The following STAB2 variants were observed in gnomAD, a reference collection of about 807,000 sequenced individuals.
STAB2 encodes the protein stabilin 2, also known as stabilin-2.
A neutral mutation model predicts 338.1 loss-of-function variants in STAB2; 288 were observed. The observed-to-expected ratio is 0.85, with a 90% CI of 0.77 to 0.94. The LOEUF (loss-of-function observed/expected upper bound fraction) is 0.94, where lower values mean the gene tolerates loss of function less well. Among genes scored for constraint, STAB2 ranks in the 40% least tolerant of loss-of-function variants. The pLI is 0.00. For missense variants in STAB2, 3,141 were observed against 3,210.1 expected (o/e 0.98, Z 0.52); for synonymous variants, 1,202 against 1,193.3 (o/e 1.01, Z -0.15).
intron 15 of STAB2, 91 bp downstream of exon 15, chr12:103,655,672 A>T: frequency 1.3e-6 from 2 of 1,519,402 alleles, no homozygotes; most frequent in South Asian, 2.6e-5. Flanking sequence ...AGAGATAGTA[A>T]ATAAGTTGTA....
At position 103,715,861 on chromosome 12, in the gene STAB2, G is replaced by A. The variant is rs150838626; in HGVS notation, c.4584G>A (p.Ala1528=). Residue 1528 remains alanine, a synonymous_variant, in exon 43 of 69, where the codon GCG becomes GCA. Coordinates refer to ENST00000388887, the MANE Select transcript of STAB2 (RefSeq NM_017564.10). ...ACCATGGTGGCTGTGACAAGAATGC[G>A]GAGTGCACACAGACAGGACCCAACC... ...LENHGGCDKN[A]ECTQTGPNQA... 6.6e-5 allele frequency: 107 copies of A among 1,614,048 alleles called. No homozygotes were observed. The highest frequency in any genetic ancestry group is 6.0e-4 in the African/African-American group (45 of 75,024).
At chr12:103,657,971 C>T (rs1874317498) in intron 15 of STAB2, 2 of 152,208 alleles carry the variant, frequency 1.3e-5, no homozygotes. Context: ...GTCTTCTTCC[C>T]AGTGTATCTT....
chr12:103,668,785 G>T (rs557744481), intron 20 of STAB2, 56 bp downstream of exon 20: 4 of 1,462,658 alleles, frequency 2.7e-6, no homozygotes, highest in Non-Finnish European at 3.7e-6. Flanking sequence ...GCAGCTCCAG[G>T]GCCATGCTCT....
At chr12:103,711,570 T>C in intron 40 of STAB2, 54 bp downstream of exon 40, 1 of 1,596,458 alleles carries the variant, frequency 6.3e-7, no homozygotes, top group Non-Finnish European at 8.6e-7. Context: ...TTTTTCCCAA[T>C]ATTGTCTACC....
At chr12:103,662,099 G>A (rs1281587658) in intron 17 of STAB2, among the ~76,000 whole-genome samples, 1 of 152,152 alleles carries the variant, frequency 6.6e-6, no homozygotes, top group Non-Finnish European at 1.5e-5. Context: ...GCAGGGACAT[G>A]GTGAGGAATG....
At chr12:103,613,319 C>G (rs1214925453) in intron 3 of STAB2, among the ~76,000 whole-genome samples, 1 of 152,206 alleles carries the variant, frequency 6.6e-6, no homozygotes, top group African/African-American at 2.4e-5. Flanking sequence ...CCTCCTTGAG[C>G]TGCAGTGGGC....
intron 4 of STAB2, 71 bp downstream of exon 4, chr12:103,620,624 AAC>A (rs34881989): frequency 0.19 from 148,732 of 795,068 alleles, 2,222 homozygotes; most frequent in East Asian, 0.26. Context: ...ATCCTCCTTA[AAC>A]ACACACACAC....
chr12:103,670,885 G>T, intron 22 of STAB2, 78 bp downstream of exon 22: 2 of 1,222,914 alleles, frequency 1.6e-6, no homozygotes, highest in Non-Finnish European at 2.4e-6. Context: ...CTGGTGCAGG[G>T]CTGGTGTCTC....
chr12:103,655,558 C>CT lies in STAB2; in HGVS notation c.1712dup (p.Asp572ArgfsTer27). On this transcript the variant is annotated frameshift_variant, in exon 15 of 69. Coordinates refer to ENST00000388887, the MANE Select transcript of STAB2 (RefSeq NM_017564.10). LOFTEE classifies it high-confidence loss of function. ...ATTGAATAACATGAAGGACGGCACT[C>CT]TCGATTACCTCCTTTCTCCAGAGGT... is the stretch of plus-strand genomic sequence containing the variant. 6.2e-7 allele frequency: 1 copy of CT among 1,613,922 alleles called. No individual in the cohort carries two copies. The highest frequency in any genetic ancestry group is 8.5e-7 in the Non-Finnish European group (1 of 1,180,008).
chr12:103,753,824 G>A (rs1038018531), intron 61 of STAB2, among the ~76,000 whole-genome samples: 17 of 152,220 alleles, frequency 1.1e-4, no homozygotes, highest in African/African-American at 3.6e-4. Context: ...ACGAGCCTAG[G>A]GTGGATCTCC....
chr12:103,683,612 A>T (rs960112452), intron 26 of STAB2, among the ~76,000 whole-genome samples: 2 of 152,224 alleles, frequency 1.3e-5, no homozygotes, highest in African/African-American at 4.8e-5. Context: ...CTCATTTTTC[A>T]CCTAAAATTG....
rs750633134 is a variant in STAB2 at position 103,711,369 on chromosome 12, A to T, written c.4289-102A>T. 3.4e-6 allele frequency: 5 copies of T among 1,466,520 alleles called. No individual in the cohort carries two copies. The South Asian group carries it at 5.9e-5, about 17-fold the overall frequency. The allele number at this position is 1,466,520 out of a possible 1,614,324, so 90.8% of individuals were successfully genotyped here. A position where few individuals can be genotyped will look rare whatever the true frequency, so the allele number is the denominator to read the frequency against. ...TAGTTTTATATCGCTCACATGATAC[A>T]TATCACTTCCAAAGAAGTAGCTTTT... On this transcript the variant is annotated intron_variant, in intron 39 of 68. Transcript: ENST00000388887.
chr12:103,592,603 G>A (rs1434476467), intron 2 of STAB2, among the ~76,000 whole-genome samples: 1 of 152,104 alleles, frequency 6.6e-6, no homozygotes, highest in Non-Finnish European at 1.5e-5. Flanking sequence ...TACACAACTT[G>A]ATGAGTTTGA....
intron 5 of STAB2, among the ~76,000 whole-genome samples, chr12:103,624,201 C>G (rs371602554): frequency 2.6e-5 from 4 of 152,242 alleles, no homozygotes; most frequent in African/African-American, 9.6e-5. Flanking sequence ...CCATAAGGTC[C>G]TCTTAGGCAG....
At chr12:103,698,107 C>T (rs1878555469) in intron 33 of STAB2, among the ~76,000 whole-genome samples, 1 of 152,190 alleles carries the variant, frequency 6.6e-6, no homozygotes. Context: ...AGGGAGAGAA[C>T]AGGAAGGACT....
chr12:103,718,326 T>C (rs955509369), intron 44 of STAB2, among the ~76,000 whole-genome samples: 15 of 151,600 alleles, frequency 9.9e-5, no homozygotes, highest in African/African-American at 3.1e-4. Context: ...AGGAAGATGA[T>C]TCTACTCTCA....
Position 103,620,501 on chromosome 12 carries a change from G to A in STAB2, c.365G>A (p.Gly122Asp). 2 of 1,584,618 alleles carry A rather than the reference G, an allele frequency of 1.3e-6. No individual in the cohort carries two copies. The highest frequency in any genetic ancestry group is 1.7e-6 in the Non-Finnish European group (2 of 1,163,996). ...CPGGAGSPCN[G>D]RGSCAEGMEG... is the part of the protein sequence containing the mutation. ...GGTGGAGCGGGGTCACCCTGCAATG[G>A]CAGAGGCAGTTGTGCTGAAGGCATG... Residue 122 changes from glycine (G) to aspartate (D), a missense_variant, in exon 4 of 69, where the codon GGC becomes GAC. Gly to Asp is a moderately conservative substitution (Grantham distance 94). Coordinates refer to ENST00000388887, the MANE Select transcript of STAB2 (RefSeq NM_017564.10).
Position 103,712,405 on chromosome 12 carries a change from G to A in STAB2, c.4373G>A (p.Cys1458Tyr). Residue 1458 changes from cysteine (C) to tyrosine (Y), a missense_variant, in exon 41 of 69, where the codon TGT becomes TAT. Physicochemically the swap from Cys to Tyr is radical, Grantham distance 194. Coordinates refer to ENST00000388887, the MANE Select transcript of STAB2 (RefSeq NM_017564.10). ...TCAGATGGTACAGCTTCATGCAAGT[G>A]TGCAGCAGGATTCCAAGGAAACGGG... Reference protein sequence around the residue: ...TNSDGTASCKCAAGFQGNGTI... With the variant: ...TNSDGTASCKYAAGFQGNGTI... 1 of 1,614,122 alleles carries A rather than the reference G, an allele frequency of 6.2e-7. No individual in the cohort carries two copies. Among genetic ancestry groups the A allele is most frequent in the Non-Finnish European group, 8.5e-7 (1 of 1,179,976 alleles).
intron 15 of STAB2, among the ~76,000 whole-genome samples, chr12:103,658,203 T>G (rs1283090838): frequency 6.6e-6 from 1 of 152,242 alleles, no homozygotes; most frequent in African/African-American, 2.4e-5. Flanking sequence ...ATTATCTCTT[T>G]CTGCCTCTGG....
Sources: gnomAD v4.1 joint callset for allele counts (sites outside exome capture counted in the v4.1 genomes callset) on GRCh38, gnomAD v4.1.1 for gene constraint, MANE v1.5 for transcripts, NCBI Gene and HGNC (gene_info 2026-07-23, HGNC 2026-07-21) for gene names.